Variants in LYPD6B observed in about 807,000 individuals in gnomAD.
LYPD6B encodes ly6/PLAUR domain-containing protein 6B.
Under a neutral mutation model 22.8 loss-of-function variants are expected in LYPD6B, and 17 were observed. That is an observed-to-expected ratio of 0.75 (90% CI 0.51 to 1.12). LYPD6B has a LOEUF of 1.12. Ranked by LOEUF, LYPD6B falls within the 50% of genes most tolerant of loss-of-function variation. The probability of loss-of-function intolerance (pLI) is 0.00; values close to 1 mark genes in which losing one functional copy is unlikely to be tolerated. For missense variants in LYPD6B, 221 were observed against 258.3 expected, an observed-to-expected ratio of 0.86 and a Z score of 0.99; for synonymous variants, 106 against 91.6, an observed-to-expected ratio of 1.16 and a Z score of -0.90.
intron 1 of LYPD6B, among the ~76,000 whole-genome samples, chr2:149,076,591 C>T (rs777529147): frequency 8.6e-5 from 13 of 151,938 alleles, no homozygotes; most frequent in Non-Finnish European, 1.6e-4. Flanking sequence ...TCCATTTTAT[C>T]AGTAAAATAA....
At chr2:149,047,734 C>T (rs1277819546) in intron 1 of LYPD6B, among the ~76,000 whole-genome samples, 2 of 152,024 alleles carry the variant, frequency 1.3e-5, no homozygotes, top group Non-Finnish European at 2.9e-5. Flanking sequence ...TTTCTTTTCT[C>T]CTGAAATTTC....
rs542178059 is a variant in LYPD6B at position 149,174,223 on chromosome 2, A to G, written c.77+13388A>G. Among the ~76,000 whole-genome samples the G allele has an allele frequency of 2.6e-5, 4 of 152,304 alleles. No homozygotes were observed. The South Asian group carries it at 6.2e-4, about 24-fold the overall frequency. ...GTAAAGGAATGCTTGTGCTTTTTGC[A>G]CATTGATTTTGCATCCTGAGAATTT... On this transcript the variant is annotated intron_variant, in intron 3 of 6. Transcript: ENST00000409642.
At chr2:149,206,388 ATATACACATG>A (rs1322676808) in intron 4 of LYPD6B, among the ~76,000 whole-genome samples, 1 of 152,094 alleles carries the variant, frequency 6.6e-6, no homozygotes, top group Non-Finnish European at 1.5e-5. Flanking sequence ...GTGTGTGCAT[ATATACACATG>A]TATACTATAG....
At chr2:149,045,354 T>G (rs1449835569) in intron 1 of LYPD6B, among the ~76,000 whole-genome samples, 1 of 152,076 alleles carries the variant, frequency 6.6e-6, no homozygotes, top group Admixed American at 6.5e-5. Context: ...TTTACTGATC[T>G]CTTCAAAGAT....
At chr2:149,083,494 C>G (rs1052935609) in intron 1 of LYPD6B, among the ~76,000 whole-genome samples, 20 of 152,158 alleles carry the variant, frequency 1.3e-4, no homozygotes, top group Admixed American at 1.3e-4. Context: ...CAGTAACAGT[C>G]TCTACACCTT....
Position 149,186,987 on chromosome 2 carries a change from C to T in LYPD6B, c.78-18266C>T, listed in dbSNP as rs560490454. On this transcript the variant is annotated intron_variant, in intron 3 of 6. Coordinates refer to ENST00000409642, the MANE Select transcript of LYPD6B (RefSeq NM_177964.5). Reference sequence around the variant, plus strand: ...GAGTCAGCAGCCATTAACATTAAGGCAGGACCCTCCACCAGCAAAAAGATT... The same window carrying T: ...GAGTCAGCAGCCATTAACATTAAGGTAGGACCCTCCACCAGCAAAAAGATT... Among the ~76,000 whole-genome samples the T allele has an allele frequency of 3.9e-5, 6 of 152,286 alleles. No individual in the cohort carries two copies. The East Asian group carries it at 1.2e-3, about 29-fold the overall frequency.
intron 3 of LYPD6B, among the ~76,000 whole-genome samples, chr2:149,178,990 C>T (rs1167192580): frequency 6.6e-6 from 1 of 152,174 alleles, no homozygotes; most frequent in Non-Finnish European, 1.5e-5. Flanking sequence ...CTTATTTTTC[C>T]TTCATTAGCC....
chr2:149,147,301 C>T (rs905693352), intron 2 of LYPD6B, among the ~76,000 whole-genome samples: 3 of 152,180 alleles, frequency 2.0e-5, no homozygotes, highest in Non-Finnish European at 2.9e-5. Context: ...ACTAATTTAC[C>T]TTTAACTTGT....
At chr2:149,085,263 T>C (rs946231476) in intron 1 of LYPD6B, among the ~76,000 whole-genome samples, 15 of 152,324 alleles carry the variant, frequency 9.8e-5, no homozygotes, top group Non-Finnish European at 1.2e-4. Context: ...TAACCCCACA[T>C]GTTCGTGCCC....
intron 1 of LYPD6B, among the ~76,000 whole-genome samples, chr2:149,043,779 GA>G (rs1479560319): frequency 6.6e-6 from 1 of 152,020 alleles, no homozygotes; most frequent in African/African-American, 2.4e-5. Context: ...TTAGGTCTAT[GA>G]TCCATTTTAC....
chr2:149,047,942 T>C (rs1399587381), intron 1 of LYPD6B, among the ~76,000 whole-genome samples: 2 of 152,206 alleles, frequency 1.3e-5, no homozygotes, highest in Non-Finnish European at 1.5e-5. Flanking sequence ...ATCCTTTATT[T>C]GTTACTGTCT....
intron 3 of LYPD6B, among the ~76,000 whole-genome samples, chr2:149,195,443 G>A (rs1559070522): frequency 6.6e-6 from 1 of 152,216 alleles, no homozygotes; most frequent in Non-Finnish European, 1.5e-5. Context: ...TAAAGCAAAT[G>A]CTATGAGAAC....
At chr2:149,178,953 C>G (rs1207055373) in intron 3 of LYPD6B, among the ~76,000 whole-genome samples, 6 of 152,232 alleles carry the variant, frequency 3.9e-5, no homozygotes, top group Admixed American at 3.9e-4. Context: ...ATTTTCATTT[C>G]TGTCTACTAC....
intron 2 of LYPD6B, among the ~76,000 whole-genome samples, chr2:149,139,527 C>T (rs911765435): frequency 7.9e-5 from 12 of 152,138 alleles, no homozygotes; most frequent in African/African-American, 2.4e-4. Flanking sequence ...AACCTAGGGT[C>T]GGCGGTGACA....
chr2:149,112,817 A>G (rs1686823482), intron 1 of LYPD6B, among the ~76,000 whole-genome samples: 1 of 152,192 alleles, frequency 6.6e-6, no homozygotes, highest in Non-Finnish European at 1.5e-5. Flanking sequence ...TGTTGCTGAA[A>G]TGTTAGCAGT....
At chr2:149,163,435 CAACAAACAGAAG>C (rs1310301513) in intron 3 of LYPD6B, among the ~76,000 whole-genome samples, 1 of 152,124 alleles carries the variant, frequency 6.6e-6, no homozygotes, top group African/African-American at 2.4e-5. Flanking sequence ...GGTATGAAAT[CAACAAACAGAAG>C]AACAAACAAG....
intron 1 of LYPD6B, among the ~76,000 whole-genome samples, chr2:149,126,731 C>T (rs1161605373): frequency 6.6e-6 from 1 of 152,166 alleles, no homozygotes; most frequent in East Asian, 1.9e-4. Context: ...GTCTCTGCAT[C>T]TTTGGATTGG....
At chr2:149,108,244 C>T (rs1190343990) in intron 1 of LYPD6B, among the ~76,000 whole-genome samples, 3 of 152,158 alleles carry the variant, frequency 2.0e-5, no homozygotes, top group Admixed American at 6.5e-5. Flanking sequence ...TTGTAAGGCT[C>T]CCCCAGCCAC....
chr2:149,189,693 T>C (rs566293070), intron 3 of LYPD6B, among the ~76,000 whole-genome samples: 1 of 152,216 alleles, frequency 6.6e-6, no homozygotes, highest in African/African-American at 2.4e-5. Flanking sequence ...GCTTCCTGGC[T>C]GTTGATCTTC....
Sources: allele counts gnomAD v4.1 joint callset (sites outside exome capture counted in the v4.1 genomes callset), GRCh38; gene constraint gnomAD v4.1.1; transcripts MANE v1.5; gene names NCBI Gene and HGNC (gene_info 2026-07-23, HGNC 2026-07-21).